Variants in CCNJL observed in about 807,000 individuals in gnomAD.
The protein encoded by CCNJL is cyclin J like.
CCNJL carries 33 observed loss-of-function variants against 33.4 expected under a neutral mutation model. The observed-to-expected ratio is 0.99, with a 90% CI of 0.75 to 1.32. The LOEUF is 1.32. Among genes scored for constraint, CCNJL ranks in the 40% most tolerant of loss-of-function variants. The pLI is 0.00. For missense variants in CCNJL, 512 were observed against 499.7 expected (o/e 1.02, Z -0.23); for synonymous variants, 227 against 220.9 (o/e 1.03, Z -0.24).
chr5:160,333,461 T>A (rs1345431508), intron 1 of CCNJL, among the ~76,000 whole-genome samples: 1 of 151,854 alleles, frequency 6.6e-6, no homozygotes, highest in African/African-American at 2.4e-5. Flanking sequence ...CATGGCAGTG[T>A]GCACCTGTAG....
chr5:160,334,742 C>T (rs922486168), intron 1 of CCNJL, among the ~76,000 whole-genome samples: 2 of 152,192 alleles, frequency 1.3e-5, no homozygotes, highest in Non-Finnish European at 2.9e-5. Context: ...TTCCTTTGGC[C>T]AGCCTTCTCA....
At chr5:160,339,368 AAAAC>A (rs1435293239) in intron 1 of CCNJL, 5 of 327,476 alleles carry the variant, frequency 1.5e-5, no homozygotes, top group African/African-American at 4.9e-5. Flanking sequence ...ACAAAAAAAA[AAAAC>A]AAAAAAAAAC....
At chr5:160,262,816 C>T (rs1761403030) in intron 3 of CCNJL, among the ~76,000 whole-genome samples, 2 of 152,258 alleles carry the variant, frequency 1.3e-5, no homozygotes, top group Admixed American at 6.5e-5. Flanking sequence ...GCCTGGCAGA[C>T]ATTTCCTCCC....
intron 3 of CCNJL, 23 bp downstream of exon 3, chr5:160,280,501 AG>A (rs758438587): frequency 2.3e-5 from 36 of 1,593,402 alleles, no homozygotes; most frequent in Non-Finnish European, 3.0e-5. Flanking sequence ...ACAAGCGCGG[AG>A]GAAGACGTAG....
intron 2 of CCNJL, among the ~76,000 whole-genome samples, chr5:160,292,648 T>C (rs1236007764): frequency 2.6e-5 from 4 of 151,464 alleles, no homozygotes. Flanking sequence ...TGTGTGTATA[T>C]ATATGTAACA....
intron 3 of CCNJL, 90 bp from the exon 4 acceptor site, chr5:160,259,861 G>T: frequency 1.9e-6 from 2 of 1,074,988 alleles, no homozygotes; most frequent in Non-Finnish European, 2.7e-6. Context: ...CCTGGACATT[G>T]CTGGCAAAGA....
At chr5:160,321,756 A>G (rs529065543) in intron 1 of CCNJL, among the ~76,000 whole-genome samples, 2 of 152,254 alleles carry the variant, frequency 1.3e-5, no homozygotes, top group East Asian at 3.9e-4. Flanking sequence ...ACATGGTGAA[A>G]CCCTGTCTCC....
At chr5:160,327,772 C>T (rs1763555920) in intron 1 of CCNJL, among the ~76,000 whole-genome samples, 1 of 152,244 alleles carries the variant, frequency 6.6e-6, no homozygotes, top group Admixed American at 6.5e-5. Context: ...TCCTGTCTCA[C>T]CTTCCCTGCT....
rs1213365410 is a variant in CCNJL at position 160,252,826 on chromosome 5, C to CA, written c.*551dup. ...CTGAAAATGGTTTTAGGTTCGAAAA[C>CA]AAAGGCAAGACAGCCACCCACTGTG... On this transcript the variant is annotated 3_prime_UTR_variant, in exon 6 of 6. Coordinates refer to ENST00000257536, the MANE Select transcript of CCNJL (RefSeq NM_001308173.3). 1 of 152,854 alleles carries CA rather than the reference C, an allele frequency of 6.5e-6. No homozygotes were observed. Among genetic ancestry groups the CA allele is most frequent in the Non-Finnish European group, 1.5e-5 (1 of 68,232 alleles). 9.5% of individuals were successfully genotyped at this position (152,854 alleles called of 1,614,324 possible).
At chr5:160,273,471 G>A (rs1269997309) in intron 3 of CCNJL, among the ~76,000 whole-genome samples, 1 of 151,986 alleles carries the variant, frequency 6.6e-6, no homozygotes, top group African/African-American at 2.4e-5. Flanking sequence ...ACAAAAATAT[G>A]AAAAATGTGG....
At chr5:160,303,038 G>A (rs1226933027) in intron 2 of CCNJL, among the ~76,000 whole-genome samples, 3 of 152,034 alleles carry the variant, frequency 2.0e-5, no homozygotes, top group African/African-American at 7.2e-5. Context: ...TTTGTATAGC[G>A]TGGTTTTACA....
At position 160,338,340 on chromosome 5, in the gene CCNJL, G is replaced by A. The variant is rs115623734; in HGVS notation, n.206+1105C>T. On this transcript the variant is annotated intron_variant and non_coding_transcript_variant, in intron 1 of 7. Transcript: ENST00000377503. ...TTGAGCCCAGAGAAGGTTGCAGTGAGCTGAGATCACGCCACTGCACTCCGA... is the reference window on the plus strand; with the variant it reads ...TTGAGCCCAGAGAAGGTTGCAGTGAACTGAGATCACGCCACTGCACTCCGA... 9.8e-3 allele frequency among the ~76,000 whole-genome samples: 1,487 copies of A among 152,308 alleles called. 19 individuals are homozygous for A. Among genetic ancestry groups the A allele is most frequent in the African/African-American group, 0.033 (1,390 of 41,560 alleles).
intron 2 of CCNJL, among the ~76,000 whole-genome samples, chr5:160,298,415 A>G (rs1300426346): frequency 6.6e-6 from 1 of 152,118 alleles, no homozygotes; most frequent in African/African-American, 2.4e-5. Flanking sequence ...TGCGGGCTGC[A>G]CAGCACAGAC....
At chr5:160,297,654 CAAAAAAA>C (rs59634260) in intron 2 of CCNJL, among the ~76,000 whole-genome samples, 3 of 107,620 alleles carry the variant, frequency 2.8e-5, no homozygotes, top group East Asian at 3.1e-4. Context: ...TCTCTATTTA[CAAAAAAA>C]AAAAAAAAAA....
intron 2 of CCNJL, among the ~76,000 whole-genome samples, chr5:160,307,572 A>T (rs977305816): frequency 6.6e-6 from 1 of 152,218 alleles, no homozygotes; most frequent in Non-Finnish European, 1.5e-5. Flanking sequence ...CAGACCTGGC[A>T]CAGACTTGGT....
At position 160,253,657 on chromosome 5, in the gene CCNJL, C is replaced by T; in HGVS notation, c.885G>A (p.Leu295=). Residue 295 remains leucine (L), a synonymous_variant, in exon 6 of 6, where the codon CTG becomes CTA. Coordinates refer to ENST00000257536, the MANE Select transcript of CCNJL (RefSeq NM_001308173.3). ...YPALGQPATT[L]AQFQTPVQDL... ...CCTGCACGGGGGTCTGGAACTGTGC[C>T]AGGGTGGTCGCTGGCTGGCCGAGGG... The T allele has an allele frequency of 6.2e-7, 1 of 1,610,260 alleles. No individual in the cohort carries two copies. The highest frequency in any genetic ancestry group is 8.5e-7 in the Non-Finnish European group (1 of 1,177,476).
rs375757477 is a variant in CCNJL, at chr5:160,304,822, C to T, written c.66+7036G>A. On this transcript the variant is annotated intron_variant, in intron 2 of 5. Coordinates refer to ENST00000257536, the MANE Select transcript of CCNJL (RefSeq NM_001308173.3). ...ATGGACCTTGGTCACTACTTTCTTT[C>T]TTTTTTTTTTTAGAGGAAATCTCGC... Among the ~76,000 whole-genome samples the T allele has an allele frequency of 4.7e-3, 683 of 146,184 alleles. 2 individuals carry two copies. Among genetic ancestry groups the T allele is most frequent in the African/African-American group, 0.015 (592 of 39,740 alleles).
Position 160,280,568 on chromosome 5 carries a change from G to C in CCNJL, c.237C>G (p.Ser79=). 1.9e-6 allele frequency: 3 copies of C among 1,613,408 alleles called. No homozygotes were observed. Among genetic ancestry groups the C allele is most frequent in the Non-Finnish European group, 2.5e-6 (3 of 1,179,994 alleles). ...AGACGGCCACGGTGTAGAGCTGCTT[G>C]GAGGTGGTGACGTTGTAGCGATCCA... is the stretch of plus-strand genomic sequence containing the variant. ...HFMDRYNVTT[S]KQLYTVAVSC... Residue 79 remains serine, a synonymous_variant, in exon 3 of 6, where the codon TCC becomes TCG. Transcript: ENST00000257536.
intron 1 of CCNJL, among the ~76,000 whole-genome samples, chr5:160,325,399 T>A (rs899990232): frequency 2.0e-5 from 3 of 152,120 alleles, no homozygotes; most frequent in Non-Finnish European, 4.4e-5. Flanking sequence ...TTGCTCCCTG[T>A]CAAAATGAAT....
Sources: allele counts gnomAD v4.1 joint callset (sites outside exome capture counted in the v4.1 genomes callset), GRCh38; gene constraint gnomAD v4.1.1; transcripts MANE v1.5; gene names NCBI Gene and HGNC (gene_info 2026-07-23, HGNC 2026-07-21).